The following RALGPS1 variants were observed in gnomAD, a reference collection of about 807,000 sequenced individuals.
The protein encoded by RALGPS1 is Ral GEF with PH domain and SH3 binding motif 1, also known as ras-specific guanine nucleotide-releasing factor RalGPS1.
In RALGPS1, 19 loss-of-function variants were observed where a neutral mutation model predicts 78.8. That is an observed-to-expected ratio of 0.24 (90% CI 0.17 to 0.35). The LOEUF is 0.35. Among genes scored for constraint, RALGPS1 ranks in the 10% least tolerant of loss-of-function variants. RALGPS1 has a pLI of 1.00. For missense variants in RALGPS1, 454 were observed against 688.3 expected (o/e 0.66, Z 3.81); for synonymous variants, 228 against 256.3 (o/e 0.89, Z 1.06).
intron 4 of RALGPS1, among the ~76,000 whole-genome samples, chr9:127,029,588 C>G (rs199640234): frequency 6.6e-6 from 1 of 152,220 alleles, no homozygotes; most frequent in Non-Finnish European, 1.5e-5. Flanking sequence ...GTGACTTGCC[C>G]TTGAGGCAAT....
At chr9:127,108,500 C>G in intron 8 of RALGPS1, 2 of 1,612,872 alleles carry the variant, frequency 1.2e-6, no homozygotes, top group South Asian at 2.2e-5. Context: ...TCCAGAAGCA[C>G]CTCAGGCTCC....
Position 127,212,482 on chromosome 9 carries a change from T to G in RALGPS1, c.1354-145T>G. ...CTCCTGTCTTGGTCCTAGGTGGAAG[T>G]TGGCATTGCCAGGGGGTGGTGGAGG... On this transcript the variant is annotated intron_variant, in intron 15 of 18. Transcript: ENST00000259351. This position sits in a 1 kb window ranked among gnomAD's most constrained non-coding sequence, Gnocchi z 6.0. The G allele has an allele frequency of 1.5e-6, 1 of 656,594 alleles. No homozygotes were observed. Among genetic ancestry groups the G allele is most frequent in the East Asian group, 2.8e-5 (1 of 35,908 alleles). 40.7% of individuals were successfully genotyped at this position (656,594 alleles called of 1,614,324 possible).
At chr9:126,950,990 C>G (rs2037759756) in intron 1 of RALGPS1, among the ~76,000 whole-genome samples, 1 of 152,092 alleles carries the variant, frequency 6.6e-6, no homozygotes, top group South Asian at 2.1e-4. Context: ...GGGGATATCA[C>G]CATTGATCCC....
intron 8 of RALGPS1, among the ~76,000 whole-genome samples, chr9:127,132,507 G>A (rs1285610695): frequency 5.9e-5 from 9 of 152,202 alleles, no homozygotes; most frequent in Non-Finnish European, 1.3e-4. Context: ...TCCCCAGCAC[G>A]CTGTAAGGGT....
At chr9:127,088,787 A>G in intron 8 of RALGPS1, 4 of 836,788 alleles carry the variant, frequency 4.8e-6, no homozygotes, top group Non-Finnish European at 7.6e-6. Flanking sequence ...CAGTTCCATC[A>G]TCCGCTGCAG....
At chr9:127,137,748 G>T (rs572857143) in intron 8 of RALGPS1, among the ~76,000 whole-genome samples, 1 of 152,220 alleles carries the variant, frequency 6.6e-6, no homozygotes, top group Admixed American at 6.5e-5. Context: ...GATACATGGC[G>T]TGAGCAGATC....
intron 7 of RALGPS1, among the ~76,000 whole-genome samples, chr9:127,060,954 C>T (rs1372070280): frequency 3.3e-5 from 5 of 152,174 alleles, no homozygotes; most frequent in African/African-American, 1.2e-4. Context: ...CTTTAACCAT[C>T]ATGTGGATTT....
chr9:126,998,457 C>T (rs1035747900), intron 4 of RALGPS1, among the ~76,000 whole-genome samples: 9 of 152,166 alleles, frequency 5.9e-5, no homozygotes, highest in African/African-American at 1.9e-4. Flanking sequence ...CAAATCAAAA[C>T]CACAATGAGA....
At chr9:127,177,884 T>C in intron 11 of RALGPS1, 1 of 1,549,196 alleles carries the variant, frequency 6.5e-7, no homozygotes, top group Middle Eastern at 1.7e-4. Flanking sequence ...TACTTGGCTC[T>C]GTTGTTTATT....
At chr9:127,152,218 G>C (rs1021047563) in intron 8 of RALGPS1, among the ~76,000 whole-genome samples, 2 of 152,066 alleles carry the variant, frequency 1.3e-5, no homozygotes. Flanking sequence ...GGGGAGGTGT[G>C]GTCTCTCTTA....
chr9:127,026,615 T>C (rs1486137581), intron 4 of RALGPS1, among the ~76,000 whole-genome samples: 3 of 152,270 alleles, frequency 2.0e-5, no homozygotes, highest in Non-Finnish European at 1.5e-5. Flanking sequence ...GGGTTTTTTC[T>C]AAGTTTTTGT....
chr9:127,036,219 G>A (rs773932676), intron 5 of RALGPS1, among the ~76,000 whole-genome samples: 15 of 152,264 alleles, frequency 9.9e-5, no homozygotes, highest in Non-Finnish European at 1.8e-4. Context: ...CAGCCAGTCG[G>A]AGAGCCAGCA....
At chr9:127,022,939 ATGTT>A (rs1208757620) in intron 4 of RALGPS1, among the ~76,000 whole-genome samples, 4 of 152,210 alleles carry the variant, frequency 2.6e-5, no homozygotes, top group Non-Finnish European at 4.4e-5. Context: ...AAGTAAGAGC[ATGTT>A]TGTTTGTTCA....
intron 5 of RALGPS1, among the ~76,000 whole-genome samples, chr9:127,049,665 C>T (rs915504778): frequency 1.3e-4 from 20 of 152,170 alleles, no homozygotes; most frequent in African/African-American, 4.3e-4. Context: ...TCCCTCCATC[C>T]ACCCATCATC....
chr9:127,017,092 A>T (rs2044910542), intron 4 of RALGPS1: 1 of 152,234 alleles, frequency 6.6e-6, no homozygotes, highest in Admixed American at 6.5e-5. Flanking sequence ...TTTTCTATTG[A>T]TTACATTTTG....
At chr9:127,102,197 C>G (rs1300263406) in intron 8 of RALGPS1, among the ~76,000 whole-genome samples, 2 of 152,182 alleles carry the variant, frequency 1.3e-5, no homozygotes, top group Non-Finnish European at 2.9e-5. Flanking sequence ...AGTCCATTTT[C>G]TGCTGCTATA....
chr9:127,096,445 G>A (rs1157329643), intron 8 of RALGPS1, among the ~76,000 whole-genome samples: 2 of 152,168 alleles, frequency 1.3e-5, no homozygotes, highest in African/African-American at 4.8e-5. Flanking sequence ...GCCTCTTACT[G>A]CACAGCTGCC....
intron 8 of RALGPS1, among the ~76,000 whole-genome samples, chr9:127,134,133 C>T (rs1424351242): frequency 6.6e-6 from 1 of 152,106 alleles, no homozygotes; most frequent in Non-Finnish European, 1.5e-5. Context: ...TGCCTGGCCA[C>T]GATGGGATGG....
At chr9:127,184,003 G>A (rs765993190) in intron 11 of RALGPS1, 30 of 1,549,832 alleles carry the variant, frequency 1.9e-5, no homozygotes, top group African/African-American at 4.1e-5. Flanking sequence ...CTGCTGCTCC[G>A]CGCTCCCCGT....
Sources: allele counts gnomAD v4.1 joint callset (sites outside exome capture counted in the v4.1 genomes callset), GRCh38; gene constraint gnomAD v4.1.1; non-coding constraint Gnocchi (gnomAD v3.1); transcripts MANE v1.5; gene names NCBI Gene and HGNC (gene_info 2026-07-23, HGNC 2026-07-21).